The following FMN1 variants were observed in gnomAD, a reference collection of about 807,000 sequenced individuals.
FMN1 encodes the protein formin 1.
A neutral mutation model predicts 132.4 loss-of-function variants in FMN1; 110 were observed. The observed-to-expected ratio is 0.83, with a 90% CI of 0.71 to 0.97. FMN1 has a LOEUF of 0.97. Among genes scored for constraint, FMN1 ranks in the 50% least tolerant of loss-of-function variants. FMN1 has a pLI of 0.00. For missense variants in FMN1, 1,792 were observed against 1,705.3 expected, an observed-to-expected ratio of 1.05 and a Z score of -0.90; for synonymous variants, 722 against 651.7, an observed-to-expected ratio of 1.11 and a Z score of -1.64.
At position 32,964,256 on chromosome 15, in the gene FMN1, G is replaced by C; in HGVS notation, c.2989C>G (p.Gln997Glu). The C allele has an allele frequency of 6.4e-7, 1 of 1,560,354 alleles. No homozygotes were observed. The highest frequency in any genetic ancestry group is 1.2e-5 in the South Asian group (1 of 80,006). Residue 997 changes from glutamine (Q) to glutamate (E), a missense_variant and splice_region_variant, in exon 9 of 21, where the codon CAA (glutamine) becomes GAA (glutamate). By Grantham distance (29) the Gln-to-Glu change is conservative. This residue lies in a region of FMN1 where 1,150 missense variants were observed against 1,043.1 expected (regional missense o/e 1.10). Coordinates refer to ENST00000616417, the MANE Select transcript of FMN1 (RefSeq NM_001277313.2). ...WTRIQISDRS[Q>E]NATPTLWDSL... ...TCCCATAAGGTTGGTGTAGCATTTT[G>C]GCTTAAAAGAGAAAATGACAAGTTA...
chr15:32,849,636 T>C (rs553722536), intron 17 of FMN1, among the ~76,000 whole-genome samples: 3 of 152,054 alleles, frequency 2.0e-5, no homozygotes, highest in South Asian at 4.2e-4. Flanking sequence ...GCCTACCTAA[T>C]AGACCTGTGA....
rs569071368 is a variant in FMN1 at position 33,084,838 on chromosome 15, C to G, written c.2043+3961G>C. 7.9e-5 allele frequency among the ~76,000 whole-genome samples: 12 copies of G among 152,306 alleles called. No individual in the cohort carries two copies. The South Asian group carries it at 1.7e-3, about 21-fold the overall frequency. On this transcript the variant is annotated intron_variant, in intron 5 of 20. Transcript: ENST00000616417. ...TAACACCAGTGTCCATCCTGACTCA[C>G]GGATGCCAACTCCCACCAATTATTT...
chr15:33,149,499 A>G (rs1055645363), intron 4 of FMN1, among the ~76,000 whole-genome samples: 3 of 152,142 alleles, frequency 2.0e-5, no homozygotes, highest in Admixed American at 1.3e-4. Context: ...CCTTATGCCT[A>G]ATTTCTTATT....
chr15:33,034,231 T>TC (rs1423790579), intron 6 of FMN1, among the ~76,000 whole-genome samples: 1 of 152,068 alleles, frequency 6.6e-6, no homozygotes, highest in African/African-American at 2.4e-5. Flanking sequence ...TGCCTAATCT[T>TC]CCCCCTAAAC....
intron 15 of FMN1, among the ~76,000 whole-genome samples, chr15:32,890,551 C>G (rs1232023628): frequency 6.6e-6 from 1 of 152,244 alleles, no homozygotes; most frequent in South Asian, 2.1e-4. Flanking sequence ...TGTTTGTTGG[C>G]CATTTGTATA....
At chr15:33,094,838 C>T (rs1290276382) in intron 4 of FMN1, among the ~76,000 whole-genome samples, 5 of 152,098 alleles carry the variant, frequency 3.3e-5, no homozygotes. Context: ...GATATTTTAA[C>T]ACTTGAAAAA....
chr15:33,026,958 CATT>C (rs1437017769), intron 6 of FMN1, among the ~76,000 whole-genome samples: 1 of 152,186 alleles, frequency 6.6e-6, no homozygotes, highest in Admixed American at 6.5e-5. Context: ...TCCTATTTTG[CATT>C]GCTCCTACCA....
intron 17 of FMN1, among the ~76,000 whole-genome samples, chr15:32,843,424 A>G (rs1490016094): frequency 2.6e-5 from 4 of 152,256 alleles, no homozygotes; most frequent in Non-Finnish European, 1.5e-5. Context: ...GCTTAAGTTA[A>G]AGAAAGCAAC....
rs1455227353 is a variant in FMN1, at chr15:32,773,592, CAAG to C, written c.*715_*717del. 1.3e-5 allele frequency: 2 copies of C among 152,154 alleles called. No individual in the cohort carries two copies. The highest frequency in any genetic ancestry group is 4.8e-5 in the African/African-American group (2 of 41,404). 9.4% of individuals were successfully genotyped at this position (152,154 alleles called of 1,614,324 possible). A position where few individuals can be genotyped will look rare whatever the true frequency, so the allele number is the denominator to read the frequency against. On this transcript the variant is annotated 3_prime_UTR_variant, in exon 21 of 21. Transcript: ENST00000616417. ...AAACCACAAAGGACCGATGTAAAAACAAGAATGGGCCTCACTTAACAACTGATG... is the reference window on the plus strand; with the variant it reads ...AAACCACAAAGGACCGATGTAAAAACAATGGGCCTCACTTAACAACTGATG...
At chr15:33,164,460 A>C (rs959385831) in intron 3 of FMN1, among the ~76,000 whole-genome samples, 1 of 152,190 alleles carries the variant, frequency 6.6e-6, no homozygotes, top group Non-Finnish European at 1.5e-5. Flanking sequence ...AGGGAAAAAA[A>C]GGGCTCCTTT....
Position 32,912,976 on chromosome 15 carries a change from G to A in FMN1, c.3227-2441C>T, listed in dbSNP as rs144124521. Among the ~76,000 whole-genome samples, 641 of 152,290 alleles carry A rather than the reference G, an allele frequency of 4.2e-3. 8 individuals are homozygous for A. Among genetic ancestry groups the A allele is most frequent in the Admixed American group, 0.019 (289 of 15,292 alleles). ...GATTTCAAATATATACATTGTAAATGTGTTTTAATGCTTGTTAATGCCTTA... is the reference window on the plus strand; with the variant it reads ...GATTTCAAATATATACATTGTAAATATGTTTTAATGCTTGTTAATGCCTTA... On this transcript the variant is annotated intron_variant, in intron 10 of 20. Transcript: ENST00000616417.
chr15:33,012,787 C>A, intron 6 of FMN1: 2 of 699,346 alleles, frequency 2.9e-6, no homozygotes, highest in South Asian at 2.8e-5. Context: ...CTTCAGTGGT[C>A]ATGGTGGCTT....
At chr15:32,855,206 C>T (rs926230051) in intron 17 of FMN1, among the ~76,000 whole-genome samples, 1 of 150,302 alleles carries the variant, frequency 6.7e-6, no homozygotes, top group African/African-American at 2.5e-5. Flanking sequence ...AAATCTGATG[C>T]CTGGCCCCAC....
In FMN1 at chr15:33,065,317, C is replaced by T. The variant is rs147756568; in HGVS notation, c.2044-243G>A. Among the ~76,000 whole-genome samples the T allele has an allele frequency of 9.7e-4, 147 of 152,246 alleles. 1 individual carries two copies. Among genetic ancestry groups the T allele is most frequent in the African/African-American group, 3.4e-3 (140 of 41,548 alleles). On this transcript the variant is annotated intron_variant, in intron 5 of 20. Transcript: ENST00000616417. ...ACCTCAAGGCTAAGTATATATCACA[C>T]AACCCTTAAAAGATTATTTTTATTA...
chr15:33,121,144 CT>C (rs1466873238), intron 4 of FMN1, among the ~76,000 whole-genome samples: 1 of 152,170 alleles, frequency 6.6e-6, no homozygotes, highest in African/African-American at 2.4e-5. Flanking sequence ...GATTTACAGT[CT>C]ACTTTCTCCA....
intron 4 of FMN1, among the ~76,000 whole-genome samples, chr15:33,137,898 G>A (rs1963841596): frequency 6.6e-6 from 1 of 152,194 alleles, no homozygotes. Context: ...GCCAGACCTG[G>A]TGTGACTCTG....
rs28379322 is a variant in FMN1 at position 32,772,376 on chromosome 15, A to C, written c.*1934T>G. ...CCACATAACTCAAAAGAGCTGAATT[A>C]TATGGCATGGGTAAAACTGGCACTT... On this transcript the variant is annotated 3_prime_UTR_variant, in exon 21 of 21. Transcript: ENST00000616417. The C allele has an allele frequency of 0.57, 85,976 of 151,936 alleles. 24,737 individuals carry two copies. Among genetic ancestry groups the C allele is most frequent in the East Asian group, 0.77 (3,942 of 5,142 alleles). 9.4% of individuals were successfully genotyped at this position (151,936 alleles called of 1,614,324 possible). A position where few individuals can be genotyped will look rare whatever the true frequency, so the allele number is the denominator to read the frequency against.
At chr15:33,113,078 G>C (rs997724032) in intron 4 of FMN1, among the ~76,000 whole-genome samples, 67 of 152,170 alleles carry the variant, frequency 4.4e-4, no homozygotes, top group Middle Eastern at 3.2e-3. Flanking sequence ...TACAACCAAA[G>C]TGTTTAACAC....
At chr15:33,068,091 C>T (rs2037831293) in intron 5 of FMN1, 2 of 1,339,888 alleles carry the variant, frequency 1.5e-6, no homozygotes, top group Non-Finnish European at 1.9e-6. Context: ...TCCAGGGCAA[C>T]TGTGAAAAAT....
Sources: gnomAD v4.1 joint callset for allele counts (sites outside exome capture counted in the v4.1 genomes callset) on GRCh38, gnomAD v4.1.1 for gene constraint, gnomAD v4.1.1 regional missense constraint, MANE v1.5 for transcripts, NCBI Gene and HGNC (gene_info 2026-07-23, HGNC 2026-07-21) for gene names.